The following ZNF593OS variants were observed in gnomAD, a reference collection of about 807,000 sequenced individuals.
ZNF593OS encodes the protein transmembrane protein ZNF593OS.
At chr1:26,169,824 C>G, downstream of ZNF593OS, 2 of 768,102 alleles carry the variant, frequency 2.6e-6, no homozygotes, top group Non-Finnish European at 3.8e-6. Context: ...CGCCTGGCGG[C>G]GCTCGAGCCG....
chr1:26,169,818 TG>T, downstream of ZNF593OS: 1 of 730,974 alleles, frequency 1.4e-6, no homozygotes. Context: ...GACGGCCGCC[TG>T]GCGGCGCTCG....
chr1:26,170,118 C>T, downstream of ZNF593OS: 1 of 1,570,698 alleles, frequency 6.4e-7, no homozygotes. Flanking sequence ...GACCCCAGCC[C>T]GACCCAAACG....
downstream of ZNF593OS, chr1:26,170,281 CTT>C: frequency 3.9e-6 from 6 of 1,543,846 alleles, no homozygotes; most frequent in South Asian, 6.0e-5. Flanking sequence ...AGTCTTCTCT[CTT>C]GGGACCCGTG....
chr1:26,170,315 T>C, downstream of ZNF593OS: 2 of 1,531,468 alleles, frequency 1.3e-6, no homozygotes, highest in South Asian at 2.4e-5. Context: ...CTCCCGTTTC[T>C]CAGACCCGGA....
chr1:26,169,911 C>A, downstream of ZNF593OS: 1 of 1,401,268 alleles, frequency 7.1e-7, no homozygotes, highest in South Asian at 1.5e-5. Context: ...CGTAGCTGAT[C>A]GGCCCGGAAG....
In ZNF593OS at chr1:26,171,407, TGAG is replaced by T; in HGVS notation, c.46-75_46-73del. On this transcript the variant is annotated intron_variant, in intron 1 of 1. Coordinates refer to ENST00000648649, the Ensembl canonical transcript of ZNF593OS. The surrounding 1 kb of genome is among the most constrained non-coding windows in gnomAD (Gnocchi z 5.5). Reference sequence around the variant, plus strand: ...AGGAAGGTGGGGAGTGGGAAAGGGCTGAGTAGATGTAGCTAGGGGAAGGAGACA... The same window carrying T: ...AGGAAGGTGGGGAGTGGGAAAGGGCTTAGATGTAGCTAGGGGAAGGAGACA... 1 of 399,166 alleles carries T rather than the reference TGAG, an allele frequency of 2.5e-6. No individual in the cohort carries two copies. Among genetic ancestry groups the T allele is most frequent in the Non-Finnish European group, 4.4e-6 (1 of 226,560 alleles). The allele number at this position is 399,166 out of a possible 1,614,324, so 24.7% of individuals were successfully genotyped here.
At chr1:26,170,130 C>T (rs768363252), downstream of ZNF593OS, 1 of 1,571,544 alleles carries the variant, frequency 6.4e-7, no homozygotes, top group Non-Finnish European at 8.6e-7. Flanking sequence ...ACCCAAACGC[C>T]GAGTTCGACC....
downstream of ZNF593OS, chr1:26,170,391 C>G (rs765838830): frequency 6.2e-7 from 1 of 1,605,222 alleles, no homozygotes; most frequent in South Asian, 1.1e-5. Context: ...CACCTCCTCA[C>G]TCTCCTTCTC....
At position 26,171,289 on chromosome 1, in the gene ZNF593OS, G is replaced by T; in HGVS notation, c.92C>A (p.Ala31Glu). 1 of 401,996 alleles carries T rather than the reference G, an allele frequency of 2.5e-6. No homozygotes were observed. Among genetic ancestry groups the T allele is most frequent in the Admixed American group, 4.3e-5 (1 of 23,408 alleles). The allele number at this position is 401,996 out of a possible 1,614,324, so 24.9% of individuals were successfully genotyped here. ...AGCTAGCACTGTAGCCACAACTCCTGCCAGCAGACTCCGGGGCTCTGCCTT... is the reference window on the plus strand; with the variant it reads ...AGCTAGCACTGTAGCCACAACTCCTTCCAGCAGACTCCGGGGCTCTGCCTT... Residue 31 changes from alanine (A) to glutamate (E), a missense_variant, in exon 2 of 2, where the codon GCA (alanine) becomes GAA (glutamate). Physicochemically the swap from Ala to Glu is moderately radical, Grantham distance 107. Transcript: ENST00000648649. The surrounding 1 kb of genome is among the most constrained non-coding windows in gnomAD (Gnocchi z 5.5).
At chr1:26,170,150 C>T (rs1172537317), downstream of ZNF593OS, 1 of 1,571,982 alleles carries the variant, frequency 6.4e-7, no homozygotes, top group South Asian at 1.2e-5. Flanking sequence ...CCCGACCTGC[C>T]AGGGGGCGGT....
chr1:26,169,946 T>G, downstream of ZNF593OS: 1 of 1,513,024 alleles, frequency 6.6e-7, no homozygotes, highest in Non-Finnish European at 8.8e-7. Flanking sequence ...CTCCCTGCCC[T>G]GCTCCTGGCC....
At chr1:26,170,213 G>C, downstream of ZNF593OS, 1 of 1,578,950 alleles carries the variant, frequency 6.3e-7, no homozygotes, top group African/African-American at 1.3e-5. Flanking sequence ...GGCCTGGGGC[G>C]GAGGAGGGTC....
At chr1:26,170,647 GC>G in exon 2 of ZNF593OS, 2 of 1,612,672 alleles carry the variant, frequency 1.2e-6, no homozygotes. Context: ...GATCCTATGT[GC>G]CCCCCAGGCG....
downstream of ZNF593OS, chr1:26,170,228 G>A: frequency 6.3e-7 from 1 of 1,581,270 alleles, no homozygotes; most frequent in Admixed American, 1.8e-5. Flanking sequence ...AGGGTCCGCG[G>A]TACCGGCCGG....
chr1:26,171,450 G>T lies in ZNF593OS; in HGVS notation c.46-115C>A. 1 of 398,812 alleles carries T rather than the reference G, an allele frequency of 2.5e-6. No individual in the cohort carries two copies. The allele number at this position is 398,812 out of a possible 1,614,324, so 24.7% of individuals were successfully genotyped here. Reference sequence around the variant, plus strand: ...GGAAGGAGACATGGACGCCGGTCCTGCCCCAGGGAGATTCCACCCCAATCC... The same window carrying T: ...GGAAGGAGACATGGACGCCGGTCCTTCCCCAGGGAGATTCCACCCCAATCC... On this transcript the variant is annotated intron_variant, in intron 1 of 1. Coordinates refer to ENST00000648649, the Ensembl canonical transcript of ZNF593OS. This position sits in a 1 kb window ranked among gnomAD's most constrained non-coding sequence, Gnocchi z 5.5.
In ZNF593OS at chr1:26,170,821, G is replaced by C. The variant is rs1331241966; in HGVS notation, c.*368C>G. On this transcript the variant is annotated 3_prime_UTR_variant, in exon 2 of 2. Transcript: ENST00000648649. ...CCTTTTGCCTCTGGGTTTGGGGAGC[G>C]GAGGGCCTCTTCTTGGTGCCCTGCC... 8 of 1,426,102 alleles carry C rather than the reference G, an allele frequency of 5.6e-6. 1 individual carries two copies. The South Asian group carries it at 1.1e-4, about 20-fold the overall frequency. The allele number at this position is 1,426,102 out of a possible 1,614,324, so 88.3% of individuals were successfully genotyped here. A position where few individuals can be genotyped will look rare whatever the true frequency, so the allele number is the denominator to read the frequency against.
chr1:26,169,886 C>T (rs1020517267), downstream of ZNF593OS: 4 of 1,304,860 alleles, frequency 3.1e-6, no homozygotes, highest in African/African-American at 4.7e-5. Context: ...TGCCTAGCCC[C>T]CCGGCGTGGC....
Position 26,171,097 on chromosome 1 carries a change from G to T in ZNF593OS, c.*92C>A. The T allele has an allele frequency of 2.4e-6, 1 of 416,244 alleles. No individual in the cohort carries two copies. Among genetic ancestry groups the T allele is most frequent in the South Asian group, 9.8e-5 (1 of 10,184 alleles). 25.8% of individuals were successfully genotyped at this position (416,244 alleles called of 1,614,324 possible). ...AGATTACTCTGTCCTGCTTCTGACA[G>T]AGACTGATCCCCAGAAAAGAAGGCT... is the stretch of plus-strand genomic sequence containing the variant. On this transcript the variant is annotated 3_prime_UTR_variant, in exon 2 of 2. Coordinates refer to ENST00000648649, the Ensembl canonical transcript of ZNF593OS. This position sits in a 1 kb window ranked among gnomAD's most constrained non-coding sequence, Gnocchi z 5.5.
At chr1:26,169,984 A>G (rs1244333180), downstream of ZNF593OS, 1 of 1,542,382 alleles carries the variant, frequency 6.5e-7, no homozygotes, top group Non-Finnish European at 8.7e-7. Context: ...GTTTCTGGCC[A>G]TGGGTCGCTC....
Sources: allele counts gnomAD v4.1 joint callset, GRCh38; gene constraint gnomAD v4.1.1; non-coding constraint Gnocchi (gnomAD v3.1); transcripts MANE v1.5; gene names NCBI Gene and HGNC (gene_info 2026-07-23, HGNC 2026-07-21).